Variants in LRRC4C observed in about 807,000 individuals in gnomAD.
LRRC4C encodes leucine rich repeat containing 4C, also known as leucine-rich repeat-containing protein 4C.
Under a neutral mutation model 33.6 loss-of-function variants are expected in LRRC4C, and 5 were observed. That is an observed-to-expected ratio of 0.15 (90% CI 0.08 to 0.31). The LOEUF is 0.31. Ranked by LOEUF, LRRC4C falls within the 10% of genes least tolerant of loss-of-function variation. The pLI, the probability that LRRC4C is intolerant of heterozygous loss-of-function variation, is 1.00. For missense variants in LRRC4C, 560 were observed against 796.7 expected (o/e 0.70, Z 3.58); for synonymous variants, 329 against 302.0 (o/e 1.09, Z -0.93).
intron 2 of LRRC4C, among the ~76,000 whole-genome samples, chr11:40,658,794 A>G (rs561592360): frequency 6.6e-6 from 1 of 152,342 alleles, no homozygotes; most frequent in Non-Finnish European, 1.5e-5. Context: ...AACAATGGAA[A>G]TGCATATGGT....
At chr11:40,506,837 T>G (rs969165716) in intron 3 of LRRC4C, among the ~76,000 whole-genome samples, 1 of 152,108 alleles carries the variant, frequency 6.6e-6, no homozygotes, top group Non-Finnish European at 1.5e-5. Flanking sequence ...TAGAAAAATT[T>G]ATTTTAGGTT....
chr11:40,936,016 A>T (rs1381791252), intron 1 of LRRC4C, among the ~76,000 whole-genome samples: 5 of 10,412 alleles, frequency 4.8e-4, no homozygotes, highest in South Asian at 6.3e-3. Context: ...GCCAAATTTT[A>T]TATATATATA....
chr11:41,085,263 A>T (rs1208500149), intron 1 of LRRC4C, among the ~76,000 whole-genome samples: 1 of 152,184 alleles, frequency 6.6e-6, no homozygotes, highest in Non-Finnish European at 1.5e-5. Context: ...GGAGCAGGAA[A>T]AAAAGTAAAC....
intron 3 of LRRC4C, among the ~76,000 whole-genome samples, chr11:40,502,867 G>C (rs369593472): frequency 4.6e-5 from 7 of 152,230 alleles, no homozygotes; most frequent in African/African-American, 1.7e-4. Context: ...TGTGATTTTT[G>C]TAATGTAAGA....
At chr11:40,686,530 T>G (rs942565307) in intron 2 of LRRC4C, among the ~76,000 whole-genome samples, 2 of 151,958 alleles carry the variant, frequency 1.3e-5, no homozygotes, top group African/African-American at 4.8e-5. Context: ...TGAAATTTTC[T>G]CAGGTGATTC....
chr11:41,035,349 T>C (rs1040674884), intron 1 of LRRC4C, among the ~76,000 whole-genome samples: 1 of 152,132 alleles, frequency 6.6e-6, no homozygotes, highest in Non-Finnish European at 1.5e-5. Flanking sequence ...ATGTATTAGA[T>C]ATTTTTCCTA....
Position 41,030,807 on chromosome 11 carries a change from T to TACACACAC in LRRC4C, c.-495-97092_-495-97085dup, listed in dbSNP as rs1162441561. On this transcript the variant is annotated intron_variant, in intron 1 of 6. Transcript: ENST00000528697. Reference sequence around the variant, plus strand: ...TGTGGGGCACTGTTATACACACACATACACACACATATATATATACACATA... The same window carrying TACACACAC: ...TGTGGGGCACTGTTATACACACACATACACACACACACACACATATATATATACACATA... Among the ~76,000 whole-genome samples the TACACACAC allele has an allele frequency of 1.7e-4, 26 of 151,862 alleles. No individual in the cohort carries two copies. The East Asian group carries it at 5.1e-3, about 30-fold the overall frequency.
At chr11:40,488,436 T>TC (rs1235135544) in intron 3 of LRRC4C, among the ~76,000 whole-genome samples, 1 of 152,000 alleles carries the variant, frequency 6.6e-6, no homozygotes, top group East Asian at 1.9e-4. Context: ...GGAAATAGAG[T>TC]CTTTTTTATC....
At chr11:40,745,760 T>G (rs763927674) in intron 2 of LRRC4C, among the ~76,000 whole-genome samples, 3 of 152,222 alleles carry the variant, frequency 2.0e-5, no homozygotes, top group African/African-American at 4.8e-5. Context: ...TATGTGGTTC[T>G]CATTGACTTG....
At chr11:40,140,475 G>A (rs192791447) in intron 6 of LRRC4C, among the ~76,000 whole-genome samples, 1 of 152,150 alleles carries the variant, frequency 6.6e-6, no homozygotes, top group African/African-American at 2.4e-5. Context: ...ACTGAATGAG[G>A]AGGCACTCAC....
intron 5 of LRRC4C, among the ~76,000 whole-genome samples, chr11:40,168,491 T>C (rs1360652368): frequency 1.3e-5 from 2 of 152,156 alleles, no homozygotes; most frequent in Non-Finnish European, 2.9e-5. Context: ...TCACATTAAA[T>C]AGAAGAAAAG....
At chr11:40,571,542 T>C (rs7937830) in intron 3 of LRRC4C, among the ~76,000 whole-genome samples, 1,631 of 152,248 alleles carry the variant, frequency 0.011, 23 homozygotes, top group African/African-American at 0.026. Flanking sequence ...CGTCTACAAC[T>C]AGTTACAAGG....
chr11:40,199,634 C>T (rs1862543292), intron 5 of LRRC4C, among the ~76,000 whole-genome samples: 1 of 152,096 alleles, frequency 6.6e-6, no homozygotes, highest in Non-Finnish European at 1.5e-5. Context: ...ATAGAAGCAA[C>T]TGGTTATTTT....
chr11:40,983,372 G>T (rs1418402377), intron 1 of LRRC4C, among the ~76,000 whole-genome samples: 5 of 152,086 alleles, frequency 3.3e-5, no homozygotes, highest in Non-Finnish European at 7.4e-5. Flanking sequence ...ACTCAAAATG[G>T]ATTAAAGACT....
intron 1 of LRRC4C, among the ~76,000 whole-genome samples, chr11:41,126,230 A>T (rs1192079318): frequency 6.6e-6 from 1 of 152,052 alleles, no homozygotes; most frequent in Non-Finnish European, 1.5e-5. Flanking sequence ...TCATTTTTTA[A>T]GTCTTTCCAC....
intron 1 of LRRC4C, among the ~76,000 whole-genome samples, chr11:41,049,454 G>T (rs781610522): frequency 6.6e-6 from 1 of 152,204 alleles, no homozygotes; most frequent in Non-Finnish European, 1.5e-5. Flanking sequence ...TGAAATGGAA[G>T]TTGTGAGAAA....
At position 40,114,900 on chromosome 11, in the gene LRRC4C, A is replaced by G. The variant is rs1855307141; in HGVS notation, c.1393T>C (p.Ser465Pro). The G allele has an allele frequency of 6.2e-7, 1 of 1,614,034 alleles. No homozygotes were observed. The highest frequency in any genetic ancestry group is 1.3e-5 in the African/African-American group (1 of 74,918). Reference sequence around the variant, plus strand: ...TCTGTGGTCCGTGCCTCATCCTGAGACGGTTCCATAGTCTCTACTGTGACG... The same window carrying G: ...TCTGTGGTCCGTGCCTCATCCTGAGGCGGTTCCATAGTCTCTACTGTGACG... ...STVTVETMEPSQDEARTTDNN... is the reference protein window; with the variant it reads ...STVTVETMEPPQDEARTTDNN... The change falls in exon 7 of 7, where the codon TCT (serine) becomes CCT (proline). Residue 465 changes from serine (S) to proline (P), a missense_variant. Transcript: ENST00000528697.
intron 6 of LRRC4C, among the ~76,000 whole-genome samples, chr11:40,140,228 C>A (rs1857267727): frequency 6.6e-6 from 1 of 152,174 alleles, no homozygotes; most frequent in Non-Finnish European, 1.5e-5. Context: ...AATCATAGAG[C>A]AAAGAGTCAG....
intron 2 of LRRC4C, among the ~76,000 whole-genome samples, chr11:40,743,588 CAGGTTCTGGGAATTAAGA>C (rs931455466): frequency 2.2e-4 from 33 of 152,104 alleles, no homozygotes; most frequent in African/African-American, 7.5e-4. Flanking sequence ...AACATATTCA[CAGGTTCTGGGAATTAAGA>C]AGTAGACATT....
Sources: allele counts gnomAD v4.1 joint callset (sites outside exome capture counted in the v4.1 genomes callset), GRCh38; gene constraint gnomAD v4.1.1; transcripts MANE v1.5; gene names NCBI Gene and HGNC (gene_info 2026-07-23, HGNC 2026-07-21).